The following WSCD2 variants were observed in gnomAD, a reference collection of about 807,000 sequenced individuals.
The protein encoded by WSCD2 is WSC domain sialate O sulfotransferase 2.
Under a neutral mutation model 55.7 loss-of-function variants are expected in WSCD2, and 28 were observed. The observed-to-expected ratio is 0.50, with a 90% CI of 0.37 to 0.69. The LOEUF (loss-of-function observed/expected upper bound fraction) is 0.69. Among genes scored for constraint, WSCD2 ranks in the 30% least tolerant of loss-of-function variants. WSCD2 has a pLI of 0.00. For missense variants in WSCD2, 616 were observed against 762.1 expected (o/e 0.81, Z 2.26); for synonymous variants, 301 against 301.9 (o/e 1.00, Z 0.03).
intron 7 of WSCD2, among the ~76,000 whole-genome samples, chr12:108,235,621 A>C (rs926542420): frequency 6.6e-6 from 1 of 152,142 alleles, no homozygotes; most frequent in African/African-American, 2.4e-5. Flanking sequence ...TGAGACACCT[A>C]CTAAAACTTT....
chr12:108,173,810 C>CTCTCTCTCTCTCTGTGTGTGTGTGTGTG (rs376999073), intron 1 of WSCD2, among the ~76,000 whole-genome samples: 4 of 131,144 alleles, frequency 3.1e-5, no homozygotes, highest in African/African-American at 1.2e-4. Context: ...TCCTGGCTCT[C>CTCTCTCTCTCTCTGTGTGTGTGTGTGTG]TGTGTGTGTG....
At chr12:108,175,364 A>T (rs1880682218) in intron 1 of WSCD2, among the ~76,000 whole-genome samples, 1 of 152,154 alleles carries the variant, frequency 6.6e-6, no homozygotes. Flanking sequence ...GGTTCCACAG[A>T]CTAAAAGAGA....
rs148030742 is a variant in WSCD2, at chr12:108,190,052, C to T, written c.-551-5230C>T. On this transcript the variant is annotated intron_variant, in intron 1 of 8. Transcript: ENST00000547525. ...TATATATTGACTTATTTAGTTCTCA[C>T]GCTAACCCTAAGAGATAAATTATAT... 2.1e-3 allele frequency among the ~76,000 whole-genome samples: 318 copies of T among 152,242 alleles called. 3 individuals carry two copies. The highest frequency in any genetic ancestry group is 3.5e-3 in the Non-Finnish European group (238 of 68,030).
intron 1 of WSCD2, among the ~76,000 whole-genome samples, chr12:108,168,469 G>A (rs1383703801): frequency 6.6e-6 from 1 of 152,166 alleles, no homozygotes; most frequent in Non-Finnish European, 1.5e-5. Flanking sequence ...TCCCAAGACT[G>A]GGTGGGATGC....
chr12:108,195,940 C>G lies in WSCD2; in HGVS notation c.108C>G (p.His36Gln), dbSNP rs1297285238. The change falls in exon 2 of 9, where the codon CAC becomes CAG. Residue 36 changes from histidine to glutamine, a missense_variant. By Grantham distance (24) the His-to-Gln change is conservative. Around this residue, in one of 3 missense-constraint regions of WSCD2, gnomAD observed 374 missense variants for 467.4 expected, o/e 0.80. Coordinates refer to ENST00000547525, the MANE Select transcript of WSCD2 (RefSeq NM_014653.4). ...YLTAGSLVFL[H>Q]SGFVGQPAVS... The stretch of plus-strand genomic sequence containing the variant: ...CTGCTGGGAGCCTTGTCTTCCTTCA[C>G]TCTGGCTTTGTGGGCCAGCCCGCTG... 3.1e-6 allele frequency: 5 copies of G among 1,614,068 alleles called. No individual in the cohort carries two copies. Among genetic ancestry groups the G allele is most frequent in the Admixed American group, 3.3e-5 (2 of 60,014 alleles).
intron 1 of WSCD2, among the ~76,000 whole-genome samples, chr12:108,174,628 C>G (rs187524061): frequency 6.6e-6 from 1 of 152,266 alleles, no homozygotes; most frequent in East Asian, 1.9e-4. Flanking sequence ...ATTTTTCATT[C>G]TTTAGAGATA....
chr12:108,177,743 G>A (rs1881082716), intron 1 of WSCD2, among the ~76,000 whole-genome samples: 1 of 152,094 alleles, frequency 6.6e-6, no homozygotes, highest in Admixed American at 6.5e-5. Context: ...GGCAAATAGT[G>A]AGGCCCCATT....
intron 1 of WSCD2, among the ~76,000 whole-genome samples, chr12:108,159,240 C>T (rs1368171068): frequency 1.3e-5 from 2 of 152,212 alleles, no homozygotes; most frequent in Non-Finnish European, 2.9e-5. Context: ...CTCCTTAGTC[C>T]TTGCTGCTTC....
At chr12:108,223,920 G>A (rs1887799575) in intron 4 of WSCD2, among the ~76,000 whole-genome samples, 1 of 152,196 alleles carries the variant, frequency 6.6e-6, no homozygotes. Context: ...AGACCAGGAT[G>A]GAGGTGGCAC....
chr12:108,157,961 G>T (rs1220871030), intron 1 of WSCD2, among the ~76,000 whole-genome samples: 1 of 152,138 alleles, frequency 6.6e-6, no homozygotes, highest in African/African-American at 2.4e-5. Flanking sequence ...CTAGTAACTT[G>T]TAGGAGGCTC....
At chr12:108,135,145 C>T (rs1412449662) in intron 1 of WSCD2, among the ~76,000 whole-genome samples, 5 of 152,018 alleles carry the variant, frequency 3.3e-5, no homozygotes, top group Non-Finnish European at 5.9e-5. Context: ...TCCGTCCATC[C>T]GTCCATCCAT....
chr12:108,206,439 G>A, intron 3 of WSCD2, 36 bp downstream of exon 3: 3 of 1,598,870 alleles, frequency 1.9e-6, no homozygotes, highest in Non-Finnish European at 1.7e-6. Flanking sequence ...TCCATTTCAG[G>A]CCCTTCCTTC....
At chr12:108,221,694 A>G (rs1834591) in intron 4 of WSCD2, among the ~76,000 whole-genome samples, 104,202 of 151,742 alleles carry the variant, frequency 0.69, 36,209 homozygotes, top group East Asian at 0.87. Context: ...TCTGGCCCCA[A>G]ACTTTCAAGT....
intron 4 of WSCD2, 66 bp from the exon 5 acceptor site, chr12:108,224,673 G>A: frequency 6.4e-7 from 1 of 1,557,300 alleles, no homozygotes; most frequent in Non-Finnish European, 8.6e-7. Flanking sequence ...TCTTCAGAAT[G>A]TGGTTTTCCC....
intron 1 of WSCD2, among the ~76,000 whole-genome samples, chr12:108,191,192 A>T (rs1883112058): frequency 6.6e-6 from 1 of 152,226 alleles, no homozygotes; most frequent in Non-Finnish European, 1.5e-5. Flanking sequence ...CCTTGCAGCT[A>T]TCCCAGAGGG....
chr12:108,240,263 G>A (rs755276466), intron 7 of WSCD2, 81 bp from the exon 8 acceptor site: 2 of 1,550,056 alleles, frequency 1.3e-6, no homozygotes, highest in Non-Finnish European at 8.8e-7. Context: ...GAGGATTCCC[G>A]AGGTGGCCCA....
At chr12:108,158,356 C>A (rs1878728446) in intron 1 of WSCD2, among the ~76,000 whole-genome samples, 1 of 151,652 alleles carries the variant, frequency 6.6e-6, no homozygotes, top group Non-Finnish European at 1.5e-5. Flanking sequence ...TTTAACTTGG[C>A]TACAAGGTTT....
chr12:108,217,559 C>T (rs1009989627), intron 4 of WSCD2, among the ~76,000 whole-genome samples: 5 of 152,172 alleles, frequency 3.3e-5, no homozygotes, highest in Admixed American at 6.5e-5. Flanking sequence ...CCCTGGGTGT[C>T]GAGCTAAACC....
At chr12:108,130,737 G>T (rs1426257266) in intron 1 of WSCD2, among the ~76,000 whole-genome samples, 2 of 152,112 alleles carry the variant, frequency 1.3e-5, no homozygotes, top group Non-Finnish European at 2.9e-5. Context: ...GCTGCTCAAT[G>T]AGACCATTCC....
Sources: gnomAD v4.1 joint callset for allele counts (sites outside exome capture counted in the v4.1 genomes callset) on GRCh38, gnomAD v4.1.1 for gene constraint, gnomAD v4.1.1 regional missense constraint, MANE v1.5 for transcripts, NCBI Gene and HGNC (gene_info 2026-07-23, HGNC 2026-07-21) for gene names.